MFSD12: variants seen among roughly 807,000 people sequenced by gnomAD.
The protein encoded by MFSD12 is major facilitator superfamily domain-containing protein 12.
In MFSD12, 67 loss-of-function variants were observed where a neutral mutation model predicts 51.2. The ratio of observed to expected loss-of-function variants is 1.31; its 90% CI spans 1.08 to 1.60. MFSD12 has a LOEUF of 1.60. Among genes scored for constraint, MFSD12 ranks in the 40% most tolerant of loss-of-function variants. The pLI, the probability that MFSD12 is intolerant of heterozygous loss-of-function variation, is 0.00. For missense variants in MFSD12, 921 were observed against 673.0 expected, an observed-to-expected ratio of 1.37 and a Z score of -4.08; for synonymous variants, 441 against 316.7, an observed-to-expected ratio of 1.39 and a Z score of -4.17.
intron 1 of MFSD12, among the ~76,000 whole-genome samples, chr19:3,556,057 CAGAT>C (rs780492228): frequency 2.6e-5 from 4 of 152,164 alleles, no homozygotes; most frequent in South Asian, 2.1e-4. Context: ...CCTGGCCAGA[CAGAT>C]AGAGGCAATG....
intron 1 of MFSD12, among the ~76,000 whole-genome samples, chr19:3,554,021 G>A (rs1448505591): frequency 1.3e-5 from 2 of 151,974 alleles, no homozygotes; most frequent in African/African-American, 4.8e-5. Flanking sequence ...GGTTGAGGTT[G>A]CAGTGAGCTG....
Position 3,551,860 on chromosome 19 carries a change from C to T in MFSD12, c.299-666G>A, listed in dbSNP as rs2031493082. Among the ~76,000 whole-genome samples, 1 of 152,170 alleles carries T rather than the reference C, an allele frequency of 6.6e-6. No homozygotes were observed. Among genetic ancestry groups the T allele is most frequent in the Non-Finnish European group, 1.5e-5 (1 of 68,036 alleles). On this transcript the variant is annotated intron_variant, in intron 1 of 9. Transcript: ENST00000355415. The surrounding 1 kb of genome is among the most constrained non-coding windows in gnomAD (Gnocchi z 4.6). ...CTCCCCCTTCTCTCTCTGCTCCAGC[C>T]ATGCAGGTCTCCTCACTGCAGGACC...
downstream of MFSD12, chr19:3,543,210 GTC>G: frequency 3.3e-6 from 5 of 1,537,450 alleles, no homozygotes; most frequent in Non-Finnish European, 3.5e-6. Context: ...CATGGGCTCA[GTC>G]TCTGCCCCCT....
chr19:3,554,418 C>T (rs1292483095), intron 1 of MFSD12, among the ~76,000 whole-genome samples: 1 of 141,840 alleles, frequency 7.1e-6, no homozygotes, highest in Non-Finnish European at 1.5e-5. Context: ...GCCTGAGCGA[C>T]AGAGTGAGAC....
At position 3,547,283 on chromosome 19, in the gene MFSD12, T is replaced by G; in HGVS notation, c.1012A>C (p.Ile338Leu). 4.3e-6 allele frequency: 7 copies of G among 1,612,798 alleles called. No homozygotes were observed. The highest frequency in any genetic ancestry group is 2.2e-5 in the East Asian group (1 of 44,864). Residue 338 changes from isoleucine (I) to leucine (L), a missense_variant, in exon 6 of 10, where the codon ATT becomes CTT. Transcript: ENST00000355415. The part of the protein sequence containing the change: ...SFLMKPINKC[I>L]GRNMTYFSGL... Reference sequence around the variant, plus strand: ...CCCCGCCCACTCACGTTCCTCCCAATGCACTTGTTGATGGGCTTCATGAGG... The same window carrying G: ...CCCCGCCCACTCACGTTCCTCCCAAGGCACTTGTTGATGGGCTTCATGAGG...
chr19:3,539,352 C>T (rs559536981), downstream of MFSD12: 174 of 700,180 alleles, frequency 2.5e-4, 5 homozygotes, highest in South Asian at 2.7e-3. Context: ...TGGGGTCTTG[C>T]ACGTGTCACT....
In MFSD12 at chr19:3,557,494, GACCCCCACCACGCGCCGGGC is replaced by G. The variant is rs2031797574; in HGVS notation, c.-111_-92del. On this transcript the variant is annotated 5_prime_UTR_variant, in exon 1 of 10. Coordinates refer to ENST00000355415, the MANE Select transcript of MFSD12 (RefSeq NM_174983.5). ...GGGTGCCGTGGGGGCAGGCGCCGGGGACCCCCACCACGCGCCGGGCACCCCGCGTCCCGCTCTCTTACGGC... is the reference window on the plus strand; with the variant it reads ...GGGTGCCGTGGGGGCAGGCGCCGGGGACCCCGCGTCCCGCTCTCTTACGGC... 6.1e-6 allele frequency: 5 copies of G among 816,410 alleles called. No individual in the cohort carries two copies. Among genetic ancestry groups the G allele is most frequent in the Admixed American group, 5.0e-5 (1 of 19,846 alleles). 50.6% of individuals were successfully genotyped at this position (816,410 alleles called of 1,614,324 possible). A position where few individuals can be genotyped will look rare whatever the true frequency, so the allele number is the denominator to read the frequency against.
At position 3,548,240 on chromosome 19, in the gene MFSD12, G is replaced by T; in HGVS notation, c.537C>A (p.Ile179=). The change falls in exon 3 of 10, where the codon ATC becomes ATA. Residue 179 remains isoleucine (I), a synonymous_variant. Coordinates refer to ENST00000355415, the MANE Select transcript of MFSD12 (RefSeq NM_174983.5). ...GGAGCCAGGCGGCGCCGTAGACGGTGATGTTGGCCACCACGGTGAACGCAT... is the reference window on the plus strand; with the variant it reads ...GGAGCCAGGCGGCGCCGTAGACGGTTATGTTGGCCACCACGGTGAACGCAT... ...LRYAFTVVAN[I]TVYGAAWLLL... 3 of 1,551,240 alleles carry T rather than the reference G, an allele frequency of 1.9e-6. No homozygotes were observed. In the East Asian group the frequency reaches 7.3e-5, roughly 38 times the overall value.
rs2031787767 is a variant in MFSD12, at chr19:3,557,348, AGGGACAGCGGCCGC to A, written c.42_55del (p.Arg15GlyfsTer143). ...CACGGCGTAGCTCAGCCGCGCCACC[AGGGACAGCGGCCGC>A]GGGGACGGCGCCGCTCCGGCCGCTG... On this transcript the variant is annotated frameshift_variant, in exon 1 of 10. Coordinates refer to ENST00000355415, the MANE Select transcript of MFSD12 (RefSeq NM_174983.5). LOFTEE classifies it high-confidence loss of function. 2 of 1,531,280 alleles carry A rather than the reference AGGGACAGCGGCCGC, an allele frequency of 1.3e-6. No homozygotes were observed. Among genetic ancestry groups the A allele is most frequent in the Non-Finnish European group, 1.8e-6 (2 of 1,141,474 alleles). 94.9% of individuals were successfully genotyped at this position (1,531,280 alleles called of 1,614,324 possible).
downstream of MFSD12, chr19:3,542,426 G>A: frequency 1.0e-6 from 1 of 985,400 alleles, no homozygotes; most frequent in Non-Finnish European, 1.2e-6. Context: ...TGACTTCCTT[G>A]GGACATATTC....
chr19:3,555,433 C>T (rs1022205671), intron 1 of MFSD12, among the ~76,000 whole-genome samples: 4 of 152,114 alleles, frequency 2.6e-5, no homozygotes, highest in African/African-American at 9.7e-5. Flanking sequence ...TGTCAAAGAG[C>T]TTATCCAACT....
At chr19:3,548,416 C>G in intron 2 of MFSD12, 149 bp from the exon 3 acceptor site, 3 of 1,051,156 alleles carry the variant, frequency 2.9e-6, no homozygotes, top group East Asian at 5.3e-5. Flanking sequence ...CCAGGAAGCC[C>G]GTGCTGGCCT....
chr19:3,556,492 G>A (rs2031728783), intron 1 of MFSD12, among the ~76,000 whole-genome samples: 1 of 151,914 alleles, frequency 6.6e-6, no homozygotes, highest in South Asian at 2.1e-4. Flanking sequence ...ACAGATGGGG[G>A]AGGCTCATGG....
chr19:3,554,512 T>C lies in MFSD12; in HGVS notation c.298+2594A>G, dbSNP rs373244620. On this transcript the variant is annotated intron_variant, in intron 1 of 9. Transcript: ENST00000355415. The stretch of plus-strand genomic sequence containing the variant: ...CAGGCTGCTGTGAGGATAGAGTTCA[T>C]GTGTGGCACCAGCAAAAGCTCCGTC... Among the ~76,000 whole-genome samples the C allele has an allele frequency of 6.7e-4, 102 of 151,782 alleles. No individual in the cohort carries two copies. The Middle Eastern group carries it at 0.031, about 46-fold the overall frequency.
At chr19:3,543,932 C>T, downstream of MFSD12, 1 of 1,551,230 alleles carries the variant, frequency 6.4e-7, no homozygotes, top group Non-Finnish European at 8.7e-7. Flanking sequence ...CCCAGAACTA[C>T]CGGGAGTGGG....
Position 3,544,617 on chromosome 19 carries a change from T to A in MFSD12, c.*93A>T, listed in dbSNP as rs1306287208. 1 of 1,507,544 alleles carries A rather than the reference T, an allele frequency of 6.6e-7. No homozygotes were observed. The highest frequency in any genetic ancestry group is 2.1e-5 in the Admixed American group (1 of 48,410). The allele number at this position is 1,507,544 out of a possible 1,614,324, so 93.4% of individuals were successfully genotyped here. On this transcript the variant is annotated 3_prime_UTR_variant, in exon 10 of 10. Coordinates refer to ENST00000355415, the MANE Select transcript of MFSD12 (RefSeq NM_174983.5). Reference sequence around the variant, plus strand: ...TGGAGGGTGGGGGTCCAGAGAAGAGTGAGGGGCAGTGGGGGCTTTTCCCCA... The same window carrying A: ...TGGAGGGTGGGGGTCCAGAGAAGAGAGAGGGGCAGTGGGGGCTTTTCCCCA...
chr19:3,551,896 G>A lies in MFSD12; in HGVS notation c.299-702C>T, dbSNP rs942999426. Among the ~76,000 whole-genome samples the A allele has an allele frequency of 2.6e-5, 4 of 152,034 alleles. No homozygotes were observed. Among genetic ancestry groups the A allele is most frequent in the African/African-American group, 9.7e-5 (4 of 41,394 alleles). On this transcript the variant is annotated intron_variant, in intron 1 of 9. Coordinates refer to ENST00000355415, the MANE Select transcript of MFSD12 (RefSeq NM_174983.5). This position sits in a 1 kb window ranked among gnomAD's most constrained non-coding sequence, Gnocchi z 4.6. ...CCTCACTGCAGGACCTCTTCAACAT[G>A]CCAGGCGGTCCTGCCCCCGGGCCTT...
At chr19:3,538,837 C>T (rs1452592096) in intron 4 of MFSD12, 1 of 566,460 alleles carries the variant, frequency 1.8e-6, no homozygotes, top group African/African-American at 1.9e-5. Context: ...CGACCCCGGC[C>T]AGGCACTGCC....
Position 3,544,520 on chromosome 19 carries a change from G to T in MFSD12, c.*190C>A. On this transcript the variant is annotated 3_prime_UTR_variant, in exon 10 of 10. Transcript: ENST00000355415. The stretch of plus-strand genomic sequence containing the variant: ...GAATGGGACACCCTCAAAACCCAGG[G>T]GGTCCTTGCAAGTCCCTGGCGGGCA... 1 of 1,405,580 alleles carries T rather than the reference G, an allele frequency of 7.1e-7. No homozygotes were observed. Among genetic ancestry groups the T allele is most frequent in the Non-Finnish European group, 9.2e-7 (1 of 1,082,496 alleles). The allele number at this position is 1,405,580 out of a possible 1,614,324, so 87.1% of individuals were successfully genotyped here. A position where few individuals can be genotyped will look rare whatever the true frequency, so the allele number is the denominator to read the frequency against.
Sources: allele counts gnomAD v4.1 joint callset (sites outside exome capture counted in the v4.1 genomes callset), GRCh38; gene constraint gnomAD v4.1.1; non-coding constraint Gnocchi (gnomAD v3.1); transcripts MANE v1.5; gene names NCBI Gene and HGNC (gene_info 2026-07-23, HGNC 2026-07-21).